The following BRAF variants were observed in gnomAD, a reference collection of about 807,000 sequenced individuals.
BRAF encodes B-Raf proto-oncogene, serine/threonine kinase.
Under a neutral mutation model 104.6 loss-of-function variants are expected in BRAF, and 16 were observed. The observed-to-expected ratio is 0.15, with a 90% CI of 0.10 to 0.23. The LOEUF (loss-of-function observed/expected upper bound fraction) is 0.23. Ranked by LOEUF, BRAF falls within the 10% of genes least tolerant of loss-of-function variation. The pLI, the probability that BRAF is intolerant of heterozygous loss-of-function variation, is 1.00. For missense variants in BRAF, 541 were observed against 937.3 expected (o/e 0.58, Z 5.52); for synonymous variants, 310 against 341.6 (o/e 0.91, Z 1.02).
At chr7:140,747,089 G>A (rs1209923095) in intron 17 of BRAF, among the ~76,000 whole-genome samples, 1 of 152,138 alleles carries the variant, frequency 6.6e-6, no homozygotes, top group Non-Finnish European at 1.5e-5. Flanking sequence ...AAGTATTATA[G>A]ATAGCAAAAG....
At chr7:140,877,017 C>T (rs957792628) in intron 1 of BRAF, among the ~76,000 whole-genome samples, 7 of 152,104 alleles carry the variant, frequency 4.6e-5, no homozygotes, top group African/African-American at 1.7e-4. Context: ...TTAAACAGCA[C>T]ATTTCTAAAT....
intron 1 of BRAF, among the ~76,000 whole-genome samples, chr7:140,872,716 AG>A (rs1259880756): frequency 1.3e-5 from 2 of 152,088 alleles, no homozygotes; most frequent in East Asian, 1.9e-4. Flanking sequence ...AATAAAAATT[AG>A]CCAGGTATGG....
intron 3 of BRAF, among the ~76,000 whole-genome samples, chr7:140,815,688 A>G (rs2535948): frequency 0.3 from 45,456 of 151,518 alleles, 10,829 homozygotes; most frequent in African/African-American, 0.67. Flanking sequence ...CGCCTGCCTC[A>G]GCCTCCCAAA....
At chr7:140,808,384 G>C in intron 4 of BRAF, 1 of 444,034 alleles carries the variant, frequency 2.3e-6, no homozygotes, top group South Asian at 1.8e-5. Context: ...AAAATCACAG[G>C]TACGGACTTA....
At position 140,801,532 on chromosome 7, in the gene BRAF, A is replaced by C; in HGVS notation, c.740T>G (p.Phe247Cys). Residue 247 changes from phenylalanine (F) to cysteine (C), a missense_variant, in exon 6 of 20, where the codon TTT (phenylalanine) becomes TGT (cysteine). By Grantham distance (205) the Phe-to-Cys change is radical. Coordinates refer to ENST00000644969, the MANE Select transcript of BRAF (RefSeq NM_001374258.1). The part of the protein sequence containing the change: ...FVRKTFFTLA[F>C]CDFCRKLLFQ... ...AAGCAGCTTTCGACAAAAGTCACAAAATGCTAAGGTGAAAAACGTTTTTCG... is the reference window on the plus strand; with the variant it reads ...AAGCAGCTTTCGACAAAAGTCACAACATGCTAAGGTGAAAAACGTTTTTCG... The C allele has an allele frequency of 6.2e-7, 1 of 1,613,744 alleles. No homozygotes were observed. The highest frequency in any genetic ancestry group is 8.5e-7 in the Non-Finnish European group (1 of 1,179,750).
chr7:140,894,071 T>C (rs894107226), intron 1 of BRAF, among the ~76,000 whole-genome samples: 1 of 151,916 alleles, frequency 6.6e-6, no homozygotes. Flanking sequence ...GAGGCAGAGG[T>C]TGCAGTGAGC....
chr7:140,761,921 C>T (rs1343953222), intron 14 of BRAF, among the ~76,000 whole-genome samples: 2 of 152,126 alleles, frequency 1.3e-5, no homozygotes, highest in Admixed American at 6.5e-5. Context: ...GAGACTTAGA[C>T]TCCCACACAA....
intron 12 of BRAF, among the ~76,000 whole-genome samples, chr7:140,779,093 T>C (rs891990412): frequency 7.2e-5 from 11 of 152,110 alleles, no homozygotes; most frequent in African/African-American, 2.7e-4. Flanking sequence ...TTATAAACAA[T>C]GTTGAGTGAA....
chr7:140,734,054 G>A, intron 19 of BRAF: 1 of 1,039,492 alleles, frequency 9.6e-7, no homozygotes, highest in Non-Finnish European at 1.2e-6. Context: ...GGAAATAAAA[G>A]ACATCCACAT....
At chr7:140,876,568 C>T (rs1046281950) in intron 1 of BRAF, among the ~76,000 whole-genome samples, 10 of 152,194 alleles carry the variant, frequency 6.6e-5, no homozygotes, top group East Asian at 1.9e-4. Flanking sequence ...ATGTAGTCTA[C>T]GAGTAATTCA....
intron 8 of BRAF, among the ~76,000 whole-genome samples, chr7:140,788,767 T>G (rs1291809614): frequency 6.6e-6 from 1 of 151,986 alleles, no homozygotes; most frequent in Non-Finnish European, 1.5e-5. Context: ...TTTTGTATTT[T>G]TAGTAGAGAC....
chr7:140,909,848 A>AACAACAAC (rs1563032209), intron 1 of BRAF, among the ~76,000 whole-genome samples: 1 of 150,510 alleles, frequency 6.6e-6, no homozygotes, highest in African/African-American at 2.5e-5. Context: ...ACAACAACAA[A>AACAACAAC]AAAGTGCCTC....
chr7:140,875,348 T>C (rs1371496392), intron 1 of BRAF, among the ~76,000 whole-genome samples: 1 of 152,266 alleles, frequency 6.6e-6, no homozygotes, highest in South Asian at 2.1e-4. Flanking sequence ...CTCTCACACA[T>C]CATAAAGTGT....
chr7:140,835,821 C>G (rs954217002), intron 2 of BRAF: 1 of 152,328 alleles, frequency 6.6e-6, no homozygotes, highest in African/African-American at 2.4e-5. Context: ...TCTACTATTT[C>G]TACCTACCAT....
intron 1 of BRAF, among the ~76,000 whole-genome samples, chr7:140,905,841 C>A (rs892950236): frequency 1.3e-5 from 2 of 151,938 alleles, no homozygotes; most frequent in Non-Finnish European, 2.9e-5. Context: ...GTAATCCCAG[C>A]ACTTTGGGAG....
At chr7:140,856,118 TATAA>T (rs1209308149) in intron 1 of BRAF, among the ~76,000 whole-genome samples, 1 of 148,756 alleles carries the variant, frequency 6.7e-6, no homozygotes, top group African/African-American at 2.4e-5. Context: ...TAATAGTATA[TATAA>T]ATATATATAT....
chr7:140,779,948 A>C (rs1280416137), intron 12 of BRAF: 8 of 152,192 alleles, frequency 5.3e-5, no homozygotes, highest in Admixed American at 4.6e-4. Context: ...AAACAAAACA[A>C]ACAAAAATAA....
At chr7:140,807,860 C>T in intron 5 of BRAF, 100 bp downstream of exon 5, 1 of 896,756 alleles carries the variant, frequency 1.1e-6, no homozygotes, top group African/African-American at 1.7e-5. Context: ...AATGTCAGTT[C>T]CAAAATTACT....
chr7:140,721,692 A>G lies in BRAF; in HGVS notation c.*4802T>C, dbSNP rs1398055074. 28 of 1,533,596 alleles carry G rather than the reference A, an allele frequency of 1.8e-5. No homozygotes were observed. Among genetic ancestry groups the G allele is most frequent in the Non-Finnish European group, 2.4e-5 (27 of 1,145,860 alleles). The allele number at this position is 1,533,596 out of a possible 1,614,324, so 95.0% of individuals were successfully genotyped here. On this transcript the variant is annotated 3_prime_UTR_variant, in exon 20 of 20. Transcript: ENST00000644969. ...GGCATCAGTAATCCATCCCAGTATA[A>G]CATTTCAAGGATGTGCTGGAGACAA...
Sources: gnomAD v4.1 joint callset for allele counts (sites outside exome capture counted in the v4.1 genomes callset) on GRCh38, gnomAD v4.1.1 for gene constraint, MANE v1.5 for transcripts, NCBI Gene and HGNC (gene_info 2026-07-23, HGNC 2026-07-21) for gene names.